ADGRL2: variants seen among roughly 807,000 people sequenced by gnomAD.
The protein encoded by ADGRL2 is calcium-independent alpha-latrotoxin receptor 2.
In ADGRL2, 44 loss-of-function variants were observed where a neutral mutation model predicts 157.4. That is an observed-to-expected ratio of 0.28 (90% CI 0.22 to 0.36). ADGRL2 has a LOEUF of 0.36. Ranked by LOEUF, ADGRL2 falls within the 10% of genes least tolerant of loss-of-function variation. The pLI is 1.00. For missense variants in ADGRL2, 1,510 were observed against 1,768.9 expected (o/e 0.85, Z 2.63); for synonymous variants, 585 against 624.7 (o/e 0.94, Z 0.95).
At chr1:81,648,273 C>A (rs541718516) in intron 3 of ADGRL2, among the ~76,000 whole-genome samples, 2 of 152,286 alleles carry the variant, frequency 1.3e-5, no homozygotes, top group South Asian at 2.1e-4. Flanking sequence ...ATTAGAACCA[C>A]AGGACAATGA....
At chr1:81,441,832 C>T (rs1321157681) in intron 1 of ADGRL2, among the ~76,000 whole-genome samples, 1 of 152,078 alleles carries the variant, frequency 6.6e-6, no homozygotes, top group Admixed American at 6.6e-5. Context: ...GCCACCACTC[C>T]CAACCTAGAA....
In ADGRL2 at chr1:81,807,977, A is replaced by T. The variant is rs2089379826; in HGVS notation, c.-101+6909A>T. On this transcript the variant is annotated intron_variant, in intron 1 of 23. Coordinates refer to ENST00000686636, the MANE Select transcript of ADGRL2 (RefSeq NM_001366006.2). ...TTATTATTATTATTTTTTTACAAAAAACCTCCTATATTTGACAAATAAACA... is the reference window on the plus strand; with the variant it reads ...TTATTATTATTATTTTTTTACAAAATACCTCCTATATTTGACAAATAAACA... 2.0e-5 allele frequency among the ~76,000 whole-genome samples: 3 copies of T among 151,768 alleles called. No individual in the cohort carries two copies. In the South Asian group the frequency reaches 6.2e-4, roughly 31 times the overall value.
chr1:81,706,017 T>A (rs1287437565), intron 1 of ADGRL2, among the ~76,000 whole-genome samples: 1 of 152,038 alleles, frequency 6.6e-6, no homozygotes, highest in Non-Finnish European at 1.5e-5. Context: ...GAGACCATCC[T>A]GGCCAACATA....
chr1:81,926,481 G>T (rs1323793801), intron 3 of ADGRL2, among the ~76,000 whole-genome samples: 1 of 151,874 alleles, frequency 6.6e-6, no homozygotes, highest in East Asian at 1.9e-4. Context: ...TCTAACTAGG[G>T]CATCCCATAG....
intron 2 of ADGRL2, among the ~76,000 whole-genome samples, chr1:81,566,783 T>C (rs2080572896): frequency 6.6e-6 from 1 of 152,160 alleles, no homozygotes; most frequent in Admixed American, 6.6e-5. Flanking sequence ...TAAAATATTT[T>C]ACTTATTTTA....
At chr1:81,976,155 T>A (rs1419634791) in intron 17 of ADGRL2, among the ~76,000 whole-genome samples, 3 of 152,060 alleles carry the variant, frequency 2.0e-5, no homozygotes, top group African/African-American at 7.2e-5. Context: ...GATATAAAAA[T>A]TTTTGTATTT....
chr1:81,368,137 C>T (rs1036334138), intron 1 of ADGRL2, among the ~76,000 whole-genome samples: 1 of 152,158 alleles, frequency 6.6e-6, no homozygotes, highest in African/African-American at 2.4e-5. Flanking sequence ...AATTTGCATT[C>T]CCACCAATGC....
chr1:81,769,262 T>A (rs1280184294), intron 2 of ADGRL2, among the ~76,000 whole-genome samples: 2 of 152,186 alleles, frequency 1.3e-5, no homozygotes, highest in Non-Finnish European at 2.9e-5. Flanking sequence ...TTCATAAACT[T>A]TTCTTTTTTG....
chr1:81,398,840 G>T (rs1051849105), intron 1 of ADGRL2, among the ~76,000 whole-genome samples: 1 of 152,016 alleles, frequency 6.6e-6, no homozygotes, highest in East Asian at 1.9e-4. Flanking sequence ...TTCTCTCCTT[G>T]TCTTTTACTT....
chr1:81,946,617 G>A (rs549426395), intron 6 of ADGRL2, among the ~76,000 whole-genome samples: 3 of 151,956 alleles, frequency 2.0e-5, no homozygotes, highest in Admixed American at 6.6e-5. Flanking sequence ...TCAACATTTG[G>A]GTTAGACTAA....
At chr1:81,343,791 T>C (rs147043598) in intron 1 of ADGRL2, among the ~76,000 whole-genome samples, 13 of 152,268 alleles carry the variant, frequency 8.5e-5, no homozygotes, top group African/African-American at 2.9e-4. Flanking sequence ...CTAAGGAAAC[T>C]AAATCCAATT....
intron 1 of ADGRL2, among the ~76,000 whole-genome samples, chr1:81,712,688 G>A (rs1193968832): frequency 6.6e-6 from 1 of 151,492 alleles, no homozygotes; most frequent in African/African-American, 2.4e-5. Context: ...AGTTATATTA[G>A]GTGTAAGATA....
chr1:81,446,229 G>C (rs1180787084), intron 2 of ADGRL2, among the ~76,000 whole-genome samples: 6 of 152,146 alleles, frequency 3.9e-5, no homozygotes, highest in African/African-American at 1.4e-4. Context: ...TGCCAGCCCG[G>C]CGCACAGCAC....
At chr1:81,397,925 C>T (rs375002896) in intron 1 of ADGRL2, among the ~76,000 whole-genome samples, 82 of 152,220 alleles carry the variant, frequency 5.4e-4, no homozygotes, top group African/African-American at 8.7e-4. Flanking sequence ...TTGAAGTCCC[C>T]GACTATTATT....
At chr1:81,353,664 G>C (rs1663075430) in intron 1 of ADGRL2, among the ~76,000 whole-genome samples, 1 of 152,204 alleles carries the variant, frequency 6.6e-6, no homozygotes, top group African/African-American at 2.4e-5. Flanking sequence ...CTGATTCCAA[G>C]GTTGGCACAT....
At chr1:81,934,566 T>G (rs2095281765) in intron 3 of ADGRL2, among the ~76,000 whole-genome samples, 1 of 152,022 alleles carries the variant, frequency 6.6e-6, no homozygotes, top group Non-Finnish European at 1.5e-5. Context: ...GTTCATGTTC[T>G]TGGTCCATTT....
intron 3 of ADGRL2, among the ~76,000 whole-genome samples, chr1:81,911,801 C>T (rs1023794542): frequency 2.6e-5 from 4 of 151,232 alleles, no homozygotes; most frequent in African/African-American, 4.9e-5. Context: ...GTGAGGAAGA[C>T]GGTGAAAATA....
At chr1:81,491,080 G>A (rs78053407) in intron 2 of ADGRL2, among the ~76,000 whole-genome samples, 2 of 151,976 alleles carry the variant, frequency 1.3e-5, no homozygotes, top group South Asian at 2.1e-4. Context: ...ATTAAATGTC[G>A]CCTTGGGGGA....
chr1:81,450,647 T>C (rs557846796), intron 2 of ADGRL2, among the ~76,000 whole-genome samples: 14 of 152,146 alleles, frequency 9.2e-5, no homozygotes, highest in African/African-American at 3.1e-4. Flanking sequence ...AGTTGACAGT[T>C]TTATTGCATG....
Sources: allele counts gnomAD v4.1 joint callset (sites outside exome capture counted in the v4.1 genomes callset), GRCh38; gene constraint gnomAD v4.1.1; transcripts MANE v1.5; gene names NCBI Gene and HGNC (gene_info 2026-07-23, HGNC 2026-07-21).